VIT: variants seen among roughly 807,000 people sequenced by gnomAD.
VIT encodes the protein vitrin.
In VIT, 99 loss-of-function variants were observed where a neutral mutation model predicts 78.0. That is an observed-to-expected ratio of 1.27 (90% CI 1.08 to 1.50). The LOEUF is 1.50. Among genes scored for constraint, VIT ranks in the 40% most tolerant of loss-of-function variants. The pLI, the probability that VIT is intolerant of heterozygous loss-of-function variation, is 0.00. For synonymous variants in VIT, 374 were observed against 334.3 expected (o/e 1.12, Z -1.29); for missense variants, 1,126 against 875.3 (o/e 1.29, Z -3.61).
In VIT at chr2:36,751,090, T is replaced by C. The variant is rs1412216922; in HGVS notation, c.276-3831T>C. 3.3e-5 allele frequency among the ~76,000 whole-genome samples: 5 copies of C among 151,640 alleles called. No homozygotes were observed. In the East Asian group the frequency reaches 9.7e-4, roughly 29 times the overall value. On this transcript the variant is annotated intron_variant, in intron 4 of 15. Transcript: ENST00000379242. ...GCCAGGCCAACGTGGCAAAACCCCG[T>C]CTCTACTAAATACAAAAAAATTTAG...
intron 9 of VIT, among the ~76,000 whole-genome samples, chr2:36,778,714 C>G (rs1670219390): frequency 6.6e-6 from 1 of 152,182 alleles, no homozygotes. Context: ...ACCCTGGGCA[C>G]AGCTGCAACA....
chr2:36,796,221 AT>A (rs1665891253), intron 12 of VIT, among the ~76,000 whole-genome samples: 1 of 152,226 alleles, frequency 6.6e-6, no homozygotes, highest in East Asian at 1.9e-4. Flanking sequence ...TTCTCAGCTA[AT>A]ATCTTATTAT....
chr2:36,698,257 G>A (rs1318721078), intron 1 of VIT, among the ~76,000 whole-genome samples: 2 of 152,178 alleles, frequency 1.3e-5, no homozygotes, highest in African/African-American at 4.8e-5. Context: ...GATTGGAAAT[G>A]CTTAATATCT....
chr2:36,732,339 G>A (rs1432909681), intron 3 of VIT, among the ~76,000 whole-genome samples: 3 of 152,166 alleles, frequency 2.0e-5, no homozygotes, highest in African/African-American at 7.2e-5. Flanking sequence ...AATCTCCCTA[G>A]TGATGCAGCG....
intron 12 of VIT, among the ~76,000 whole-genome samples, chr2:36,799,311 C>G (rs1209751821): frequency 1.3e-5 from 2 of 152,206 alleles, no homozygotes; most frequent in African/African-American, 4.8e-5. Flanking sequence ...TCCGCATGGA[C>G]TCACTAAGAA....
intron 1 of VIT, among the ~76,000 whole-genome samples, chr2:36,702,103 C>T (rs532231649): frequency 2.9e-4 from 44 of 152,274 alleles, no homozygotes; most frequent in Non-Finnish European, 5.0e-4. Flanking sequence ...GAATGTTAAA[C>T]AGAGAGATGA....
At chr2:36,732,348 C>A (rs1390720028) in intron 3 of VIT, among the ~76,000 whole-genome samples, 2 of 152,104 alleles carry the variant, frequency 1.3e-5, no homozygotes, top group Non-Finnish European at 1.5e-5. Flanking sequence ...AGTGATGCAG[C>A]GCATTGGAAT....
At chr2:36,792,467 C>T (rs1415270086) in intron 12 of VIT, among the ~76,000 whole-genome samples, 2 of 151,688 alleles carry the variant, frequency 1.3e-5, no homozygotes, top group Admixed American at 1.3e-4. Context: ...GCTTGACTTC[C>T]ACCCCTCCCC....
chr2:36,809,604 G>C (rs183258614), intron 15 of VIT, among the ~76,000 whole-genome samples: 1 of 152,232 alleles, frequency 6.6e-6, no homozygotes, highest in Admixed American at 6.5e-5. Flanking sequence ...TTTTAGTAGA[G>C]ATGGGATTTC....
intron 5 of VIT, among the ~76,000 whole-genome samples, chr2:36,756,570 CTTT>C (rs1298245801): frequency 3.3e-5 from 5 of 152,188 alleles, no homozygotes; most frequent in African/African-American, 9.6e-5. Flanking sequence ...ACAAACAGAC[CTTT>C]TACTATTCTT....
At chr2:36,795,977 T>C (rs1435290037) in intron 12 of VIT, among the ~76,000 whole-genome samples, 1 of 152,056 alleles carries the variant, frequency 6.6e-6, no homozygotes, top group Non-Finnish European at 1.5e-5. Flanking sequence ...ATTTGGTGCA[T>C]TCAGAAAAAG....
At chr2:36,765,447 G>GAGAGAGAGA (rs759255390) in intron 6 of VIT, among the ~76,000 whole-genome samples, 110 of 148,714 alleles carry the variant, frequency 7.4e-4, no homozygotes, top group Non-Finnish European at 1.0e-3. Flanking sequence ...GAGAGAGAGA[G>GAGAGAGAGA]GAAAAACTGC....
At chr2:36,734,833 G>C (rs140670750) in intron 3 of VIT, among the ~76,000 whole-genome samples, 5 of 152,144 alleles carry the variant, frequency 3.3e-5, no homozygotes, top group East Asian at 1.9e-4. Flanking sequence ...CACCACTGGT[G>C]GGGGGGCCCT....
At chr2:36,779,297 G>A (rs1436588567) in intron 9 of VIT, among the ~76,000 whole-genome samples, 2 of 152,196 alleles carry the variant, frequency 1.3e-5, no homozygotes, top group African/African-American at 4.8e-5. Flanking sequence ...TTCCTCACCT[G>A]TAAAATGGGA....
At chr2:36,725,091 A>T (rs1274752902) in intron 2 of VIT, among the ~76,000 whole-genome samples, 11 of 152,114 alleles carry the variant, frequency 7.2e-5, no homozygotes. Context: ...ACACCTAAAA[A>T]ATGTCTGCCT....
intron 4 of VIT, among the ~76,000 whole-genome samples, chr2:36,748,895 T>C (rs1668293420): frequency 1.3e-5 from 2 of 152,242 alleles, no homozygotes. Context: ...TATTTGGTTT[T>C]TCTGTGAGAG....
At chr2:36,754,843 C>A in intron 4 of VIT, 78 bp from the exon 5 acceptor site, 1 of 1,492,848 alleles carries the variant, frequency 6.7e-7, no homozygotes, top group Non-Finnish European at 9.1e-7. Context: ...ATAAAGATGG[C>A]GACTGGTTTT....
intron 6 of VIT, 147 bp from the exon 7 acceptor site, chr2:36,766,947 T>C (rs1669466371): frequency 7.2e-6 from 6 of 827,768 alleles, no homozygotes; most frequent in African/African-American, 1.8e-5. Context: ...GGCAAGAATG[T>C]GGCTGTTACC....
chr2:36,704,585 C>G (rs1299940610), intron 1 of VIT, among the ~76,000 whole-genome samples: 1 of 152,158 alleles, frequency 6.6e-6, no homozygotes, highest in Non-Finnish European at 1.5e-5. Context: ...CTTTGGAGAG[C>G]TGGGTCTCCT....
Sources: gnomAD v4.1 joint callset for allele counts (sites outside exome capture counted in the v4.1 genomes callset) on GRCh38, gnomAD v4.1.1 for gene constraint, MANE v1.5 for transcripts, NCBI Gene and HGNC (gene_info 2026-07-23, HGNC 2026-07-21) for gene names.